SEC24D: variants seen among roughly 807,000 people sequenced by gnomAD.
SEC24D encodes protein transport protein Sec24D.
Under a neutral mutation model 116.9 loss-of-function variants are expected in SEC24D, and 69 were observed. That is an observed-to-expected ratio of 0.59 (90% CI 0.49 to 0.72). The LOEUF (loss-of-function observed/expected upper bound fraction) is 0.72. SEC24D is among the 30% of genes least tolerant of loss of function. The probability of loss-of-function intolerance (pLI) is 0.00; values close to 1 mark genes in which losing one functional copy is unlikely to be tolerated. For synonymous variants in SEC24D, 405 were observed against 442.8 expected (o/e 0.91, Z 1.07); for missense variants, 1,131 against 1,264.1 (o/e 0.89, Z 1.60).
chr4:118,810,725 G>A (rs1173292251), intron 6 of SEC24D, among the ~76,000 whole-genome samples: 5 of 152,088 alleles, frequency 3.3e-5, no homozygotes, highest in Non-Finnish European at 7.4e-5. Context: ...TGATGGTGCT[G>A]TCCTGCGAGC....
intron 1 of SEC24D, among the ~76,000 whole-genome samples, chr4:118,834,792 T>C (rs1731019937): frequency 6.6e-6 from 1 of 152,212 alleles, no homozygotes; most frequent in African/African-American, 2.4e-5. Flanking sequence ...CATACAAGCA[T>C]ATTCTTCCTT....
Position 118,738,328 on chromosome 4 carries a change from ACTAGAATTTCCCGGATGAC to A in SEC24D, c.2410_2428del (p.Val804LeufsTer30). 6.2e-7 allele frequency: 1 copy of A among 1,613,702 alleles called. No homozygotes were observed. Among genetic ancestry groups the A allele is most frequent in the South Asian group, 1.1e-5 (1 of 91,078 alleles). On this transcript the variant is annotated frameshift_variant, in exon 19 of 23. Transcript: ENST00000280551. LOFTEE classifies it high-confidence loss of function. ...TGCCAACATATGGGCAGTCTGATTA[ACTAGAATTTCCCGGATGAC>A]CTTCAAAGGCTGGTGGAGAACTGCT...
chr4:118,729,616 T>C (rs775794283), intron 21 of SEC24D: 2 of 152,224 alleles, frequency 1.3e-5, no homozygotes, highest in Non-Finnish European at 2.9e-5. Context: ...TGGTTAGTGG[T>C]CTACAGGCCA....
chr4:118,815,904 G>A (rs1195928510), intron 4 of SEC24D, among the ~76,000 whole-genome samples, 178 bp from the exon 5 acceptor site: 4 of 151,984 alleles, frequency 2.6e-5, no homozygotes, highest in African/African-American at 7.3e-5. Context: ...TAGAACAAAC[G>A]CTATTTTATA....
intron 9 of SEC24D, among the ~76,000 whole-genome samples, chr4:118,765,857 G>A (rs942996750): frequency 1.3e-4 from 20 of 151,216 alleles, no homozygotes; most frequent in African/African-American, 4.8e-4. Context: ...AGGCTTGATT[G>A]TTCTACGTTG....
intron 21 of SEC24D, chr4:118,731,019 A>G (rs1376870018): frequency 8.8e-6 from 3 of 341,278 alleles, no homozygotes; most frequent in Non-Finnish European, 1.7e-5. Flanking sequence ...TGTTATGACA[A>G]TTAACTGAAA....
intron 8 of SEC24D, among the ~76,000 whole-genome samples, chr4:118,770,639 T>A (rs1038862215): frequency 1.3e-5 from 2 of 152,164 alleles, no homozygotes; most frequent in African/African-American, 4.8e-5. Context: ...CCAAATAAGA[T>A]CCAATTATAT....
rs112841554 is a variant in SEC24D, at chr4:118,774,760, G to A, written c.1042-6449C>T. Among the ~76,000 whole-genome samples the A allele has an allele frequency of 5.9e-5, 9 of 152,038 alleles. 1 individual carries two copies. The highest frequency in any genetic ancestry group is 2.2e-4 in the African/African-American group (9 of 41,506). On this transcript the variant is annotated intron_variant, in intron 8 of 22. Coordinates refer to ENST00000280551, the MANE Select transcript of SEC24D (RefSeq NM_014822.4). Reference sequence around the variant, plus strand: ...CATTTCTCTCTTCCATTCTCTATAGGAGCTGCCATATACCTTTGCATCTTT... The same window carrying A: ...CATTTCTCTCTTCCATTCTCTATAGAAGCTGCCATATACCTTTGCATCTTT...
In SEC24D at chr4:118,757,806, T is replaced by G. The variant is rs1157667864; in HGVS notation, c.1336A>C (p.Ile446Leu). ...PPNPPAFIFM[I>L]DVSYSNIKNG... ...TTTATGTTACTATATGAAACATCAA[T>G]CATGAAGATAAAGGCTGGTGGGTTG... Residue 446 changes from isoleucine to leucine, a missense_variant, in exon 11 of 23, where the codon ATT (isoleucine) becomes CTT (leucine). Ile to Leu is a conservative substitution (Grantham distance 5). Transcript: ENST00000280551. 3.7e-6 allele frequency: 6 copies of G among 1,611,672 alleles called. No homozygotes were observed. Among genetic ancestry groups the G allele is most frequent in the Non-Finnish European group, 3.4e-6 (4 of 1,178,590 alleles).
At chr4:118,823,590 G>A (rs919526704) in intron 3 of SEC24D, among the ~76,000 whole-genome samples, 5 of 152,186 alleles carry the variant, frequency 3.3e-5, no homozygotes, top group African/African-American at 1.2e-4. Flanking sequence ...CTGCGGCTTG[G>A]CACTGGCTTG....
At chr4:118,774,103 C>T (rs1728031682) in intron 8 of SEC24D, among the ~76,000 whole-genome samples, 1 of 151,618 alleles carries the variant, frequency 6.6e-6, no homozygotes, top group East Asian at 1.9e-4. Flanking sequence ...TTTTAGTTGG[C>T]TCTTCTTAAC....
At chr4:118,764,944 A>G (rs777911048) in intron 9 of SEC24D, 27 bp from the exon 10 acceptor site, 2 of 1,296,922 alleles carry the variant, frequency 1.5e-6, no homozygotes, top group African/African-American at 1.5e-5. Flanking sequence ...AGGAAAGAAA[A>G]TATTTTGTTT....
At position 118,740,754 on chromosome 4, in the gene SEC24D, A is replaced by G; in HGVS notation, c.2147T>C (p.Val716Ala). The change falls in exon 17 of 23, where the codon GTA (valine) becomes GCA (alanine). Residue 716 changes from valine (V) to alanine (A), a missense_variant. Coordinates refer to ENST00000280551, the MANE Select transcript of SEC24D (RefSeq NM_014822.4). ...GTCACAATCGATGGCAGCCATTTCT[A>G]CATCGGTGGTGTTGTTCATCAAGAT... ...GGILMNNTTD[V>A]EMAAIDCDKA... The G allele has an allele frequency of 6.2e-7, 1 of 1,613,962 alleles. No individual in the cohort carries two copies. Among genetic ancestry groups the G allele is most frequent in the Non-Finnish European group, 8.5e-7 (1 of 1,179,878 alleles).
intron 7 of SEC24D, among the ~76,000 whole-genome samples, chr4:118,799,071 T>C (rs749042335): frequency 2.0e-5 from 3 of 152,206 alleles, no homozygotes; most frequent in Admixed American, 6.5e-5. Context: ...TCAGAATGGA[T>C]TGCAGTGGGG....
intron 13 of SEC24D, among the ~76,000 whole-genome samples, chr4:118,747,213 C>T (rs1456577035): frequency 2.0e-5 from 3 of 150,336 alleles, no homozygotes; most frequent in African/African-American, 7.3e-5. Flanking sequence ...AAATGTTAAG[C>T]ATGTTGAAAA....
At chr4:118,788,678 T>C (rs920342408) in intron 8 of SEC24D, among the ~76,000 whole-genome samples, 17 of 152,224 alleles carry the variant, frequency 1.1e-4, no homozygotes, top group African/African-American at 3.9e-4. Flanking sequence ...AACAGGGTTA[T>C]AAATGAAGTT....
intron 22 of SEC24D, among the ~76,000 whole-genome samples, 187 bp downstream of exon 22, chr4:118,728,374 G>T (rs1725511202): frequency 1.3e-5 from 2 of 152,126 alleles, no homozygotes; most frequent in Admixed American, 6.6e-5. Flanking sequence ...ATTTATGTTT[G>T]TGACTGGTAA....
intron 17 of SEC24D, 100 bp downstream of exon 17, chr4:118,740,563 T>C (rs1375088679): frequency 1.5e-6 from 2 of 1,336,524 alleles, no homozygotes; most frequent in African/African-American, 2.9e-5. Flanking sequence ...TGAATTTTTT[T>C]ATGAAGAGAC....
At chr4:118,749,650 T>C (rs573402337) in intron 13 of SEC24D, among the ~76,000 whole-genome samples, 1 of 152,250 alleles carries the variant, frequency 6.6e-6, no homozygotes, top group South Asian at 2.1e-4. Context: ...AAGTTACTCT[T>C]TGCCCTTCTC....
Sources: allele counts gnomAD v4.1 joint callset (sites outside exome capture counted in the v4.1 genomes callset), GRCh38; gene constraint gnomAD v4.1.1; transcripts MANE v1.5; gene names NCBI Gene and HGNC (gene_info 2026-07-23, HGNC 2026-07-21).